CYTH4: variants seen among roughly 807,000 people sequenced by gnomAD.
The protein encoded by CYTH4 is cytohesin 4.
CYTH4 carries 22 observed loss-of-function variants against 57.5 expected under a neutral mutation model. The ratio of observed to expected loss-of-function variants is 0.38; its 90% CI spans 0.27 to 0.55. CYTH4 has a LOEUF of 0.55. CYTH4 is among the 20% of genes least tolerant of loss of function. The pLI is 0.74. For synonymous variants in CYTH4, 186 were observed against 206.5 expected (o/e 0.90, Z 0.85); for missense variants, 420 against 535.6 (o/e 0.78, Z 2.13).
Position 37,303,315 on chromosome 22 carries a change from C to G in CYTH4, c.609C>G (p.Asn203Lys). Reference sequence around the variant, plus strand: ...TCAACACCAGCCTCCACAATCCCAACGTCCGGGACAGGCCGCCTTTTGAGC... The same window carrying G: ...TCAACACCAGCCTCCACAATCCCAAGGTCCGGGACAGGCCGCCTTTTGAGC... ...IMLNTSLHNP[N>K]VRDRPPFERF... The change falls in exon 8 of 13, where the codon AAC (asparagine) becomes AAG (lysine). Residue 203 changes from asparagine (N) to lysine (K), a missense_variant. Coordinates refer to ENST00000248901, the MANE Select transcript of CYTH4 (RefSeq NM_013385.5). 6.2e-7 allele frequency: 1 copy of G among 1,614,202 alleles called. No homozygotes were observed. The highest frequency in any genetic ancestry group is 8.5e-7 in the Non-Finnish European group (1 of 1,180,030).
chr22:37,282,623 G>T, intron 1 of CYTH4, 35 bp downstream of exon 1: 1 of 1,579,358 alleles, frequency 6.3e-7, no homozygotes, highest in Non-Finnish European at 8.6e-7. Flanking sequence ...TGGGCCTCAG[G>T]GTGCTCTCTT....
In CYTH4 at chr22:37,308,522, ATG is replaced by A. The variant is rs531964453; in HGVS notation, c.697-686_697-685del. ...TACATGTATGTGTGAGCGTGTGTATATGTGTCTGTGAGTGTGTGTATGTGTGT... is the reference window on the plus strand; with the variant it reads ...TACATGTATGTGTGAGCGTGTGTATATGTCTGTGAGTGTGTGTATGTGTGT... On this transcript the variant is annotated intron_variant, in intron 8 of 12. Transcript: ENST00000248901. Among the ~76,000 whole-genome samples, 14 of 150,808 alleles carry A rather than the reference ATG, an allele frequency of 9.3e-5. No individual in the cohort carries two copies. In the East Asian group the frequency reaches 1.2e-3, roughly 13 times the overall value.
At chr22:37,296,122 G>A in intron 4 of CYTH4, 57 bp downstream of exon 4, 3 of 1,544,548 alleles carry the variant, frequency 1.9e-6, no homozygotes, top group Non-Finnish European at 2.7e-6. Flanking sequence ...GGGAGCACCT[G>A]CCTGGTGTCC....
intron 1 of CYTH4, among the ~76,000 whole-genome samples, chr22:37,284,826 G>A (rs1355416247): frequency 1.3e-5 from 2 of 152,222 alleles, no homozygotes; most frequent in Non-Finnish European, 2.9e-5. Flanking sequence ...CTCCCCCAGG[G>A]CCTGCCGGGA....
At chr22:37,304,295 T>A in intron 8 of CYTH4, 1 of 456,482 alleles carries the variant, frequency 2.2e-6, no homozygotes, top group South Asian at 1.5e-5. Context: ...AGGTGTGGTA[T>A]ATATGCACAG....
chr22:37,292,758 G>T, intron 2 of CYTH4, 55 bp downstream of exon 2: 1 of 1,567,954 alleles, frequency 6.4e-7, no homozygotes, highest in Non-Finnish European at 8.7e-7. Context: ...CTGCACGCTT[G>T]TACGCACCCC....
rs541072477 is a variant in CYTH4 at position 37,285,233 on chromosome 22, C to T, written c.19+2645C>T. Among the ~76,000 whole-genome samples, 9 of 152,166 alleles carry T rather than the reference C, an allele frequency of 5.9e-5. No individual in the cohort carries two copies. In the East Asian group the frequency reaches 1.7e-3, roughly 29 times the overall value. On this transcript the variant is annotated intron_variant, in intron 1 of 12. Transcript: ENST00000248901. ...AGTGGGGAGGAGCCGGGGAGATGGG[C>T]ACATTCACCAGCCTGGGCGCAAGGG...
chr22:37,307,895 A>T (rs1245872420), intron 8 of CYTH4, among the ~76,000 whole-genome samples: 2 of 152,212 alleles, frequency 1.3e-5, no homozygotes, highest in African/African-American at 4.8e-5. Context: ...ACCAGCAGCC[A>T]CACCTTGCCC....
chr22:37,298,048 C>A lies in CYTH4; in HGVS notation c.353+366C>A. On this transcript the variant is annotated intron_variant, in intron 5 of 12. Coordinates refer to ENST00000248901, the MANE Select transcript of CYTH4 (RefSeq NM_013385.5). This position sits in a 1 kb window ranked among gnomAD's most constrained non-coding sequence, Gnocchi z 4.1. ...AGAGAATGATAAGCTCTGTGGAATA[C>A]AAATCGAGCAGGGAAGGGAAGTCAG... The A allele has an allele frequency of 5.7e-6, 1 of 174,264 alleles. No individual in the cohort carries two copies. Among genetic ancestry groups the A allele is most frequent in the Non-Finnish European group, 1.2e-5 (1 of 80,644 alleles). The allele number at this position is 174,264 out of a possible 1,614,324, so 10.8% of individuals were successfully genotyped here.
chr22:37,292,398 G>T, intron 1 of CYTH4: 1 of 538,230 alleles, frequency 1.9e-6, no homozygotes, highest in Non-Finnish European at 3.3e-6. Context: ...GATCCTTTTG[G>T]GGGTGTCTAT....
Position 37,298,923 on chromosome 22 carries a change from G to T in CYTH4, c.354-303G>T, listed in dbSNP as rs1929076728. On this transcript the variant is annotated intron_variant, in intron 5 of 12. Coordinates refer to ENST00000248901, the MANE Select transcript of CYTH4 (RefSeq NM_013385.5). This position sits in a 1 kb window ranked among gnomAD's most constrained non-coding sequence, Gnocchi z 4.1. ...AGTGGCTTCCGCGAGGTCACCAGGT[G>T]GGAAGTTACAGGAAATGAGGAAGGC... Among the ~76,000 whole-genome samples the T allele has an allele frequency of 6.6e-6, 1 of 152,158 alleles. No individual in the cohort carries two copies. The highest frequency in any genetic ancestry group is 2.4e-5 in the African/African-American group (1 of 41,432).
At position 37,302,100 on chromosome 22, in the gene CYTH4, C is replaced by T. The variant is rs1046563693; in HGVS notation, c.547+1081C>T. 4.1e-5 allele frequency: 7 copies of T among 169,012 alleles called. No homozygotes were observed. The Middle Eastern group carries it at 1.5e-3, about 37-fold the overall frequency. The allele number at this position is 169,012 out of a possible 1,614,324, so 10.5% of individuals were successfully genotyped here. ...TCAGAGAGATAAAATGACTTGTCTGCGAGCACGCCGCCTCCTGGCTGTGTC... is the reference window on the plus strand; with the variant it reads ...TCAGAGAGATAAAATGACTTGTCTGTGAGCACGCCGCCTCCTGGCTGTGTC... On this transcript the variant is annotated intron_variant, in intron 7 of 12. Transcript: ENST00000248901.
chr22:37,303,372 T>A lies in CYTH4; in HGVS notation c.666T>A (p.Asn222Lys). ...TGTCCATGAACCGCGGCATCAACAA[T>A]GGTAGCGACCTGCCCGAGGACCAGC... ...RFVSMNRGINNGSDLPEDQLR... is the reference protein window; with the variant it reads ...RFVSMNRGINKGSDLPEDQLR... The change falls in exon 8 of 13, where the codon AAT (asparagine) becomes AAA (lysine). Residue 222 changes from asparagine to lysine, a missense_variant. Asn to Lys is a moderately conservative substitution (Grantham distance 94, BLOSUM62 0). Transcript: ENST00000248901. 1 of 1,613,996 alleles carries A rather than the reference T, an allele frequency of 6.2e-7. No homozygotes were observed. The highest frequency in any genetic ancestry group is 1.1e-5 in the South Asian group (1 of 91,062).
chr22:37,310,445 G>A (rs1331298655), intron 9 of CYTH4, among the ~76,000 whole-genome samples: 1 of 152,188 alleles, frequency 6.6e-6, no homozygotes, highest in East Asian at 1.9e-4. Flanking sequence ...CAAGAGTTGG[G>A]CTCTGGGACT....
In CYTH4 at chr22:37,312,043, T is replaced by C; in HGVS notation, c.981T>C (p.Pro327=). 6.2e-7 allele frequency: 1 copy of C among 1,613,876 alleles called. No individual in the cohort carries two copies. Among genetic ancestry groups the C allele is most frequent in the Non-Finnish European group, 8.5e-7 (1 of 1,179,940 alleles). The change falls in exon 12 of 13, where the codon CCT becomes CCC. Residue 327 remains proline, a synonymous_variant. Transcript: ENST00000248901. ...AGTTCTGCCTGGAGCTCTACAACCC[T>C]AGCTGCCGAGGCCAGAAAATCAAGG... The part of the protein sequence containing the change: ...KKPFCLELYN[P]SCRGQKIKAC...
chr22:37,311,714 G>A lies in CYTH4; in HGVS notation c.957+187G>A. ...GGACAGTGAGAAAAGGTCAATGTGG[G>A]TCCAAGGACGTGGTTGTCCCCTGTT... is the stretch of plus-strand genomic sequence containing the variant. On this transcript the variant is annotated intron_variant, in intron 11 of 12. Transcript: ENST00000248901. The surrounding 1 kb of genome is among the most constrained non-coding windows in gnomAD (Gnocchi z 4.4). 1.5e-6 allele frequency: 1 copy of A among 677,264 alleles called. No individual in the cohort carries two copies. Among genetic ancestry groups the A allele is most frequent in the South Asian group, 1.8e-5 (1 of 55,158 alleles). 42.0% of individuals were successfully genotyped at this position (677,264 alleles called of 1,614,324 possible).
Position 37,310,571 on chromosome 22 carries a change from C to T in CYTH4, c.809-417C>T, listed in dbSNP as rs528301094. Among the ~76,000 whole-genome samples, 27 of 152,314 alleles carry T rather than the reference C, an allele frequency of 1.8e-4. No homozygotes were observed. In the East Asian group the frequency reaches 3.7e-3, roughly 21 times the overall value. On this transcript the variant is annotated intron_variant, in intron 9 of 12. Coordinates refer to ENST00000248901, the MANE Select transcript of CYTH4 (RefSeq NM_013385.5). Reference sequence around the variant, plus strand: ...GGTTAACAATGGTCTCCTCTTCATACGTGGTTGTGAGGATTAATAAGTAAT... The same window carrying T: ...GGTTAACAATGGTCTCCTCTTCATATGTGGTTGTGAGGATTAATAAGTAAT...
At chr22:37,308,597 AGT>A (rs1601710348) in intron 8 of CYTH4, among the ~76,000 whole-genome samples, 2 of 141,346 alleles carry the variant, frequency 1.4e-5, no homozygotes, top group South Asian at 2.5e-4. Context: ...TATGTGTCTG[AGT>A]GTGCATGTAT....
intron 2 of CYTH4, among the ~76,000 whole-genome samples, chr22:37,293,745 G>A (rs1256244587): frequency 6.6e-6 from 1 of 152,148 alleles, no homozygotes; most frequent in East Asian, 1.9e-4. Flanking sequence ...TGTCCTTCAG[G>A]GGGTGCTGGT....
Sources: allele counts gnomAD v4.1 joint callset (sites outside exome capture counted in the v4.1 genomes callset), GRCh38; gene constraint gnomAD v4.1.1; non-coding constraint Gnocchi (gnomAD v3.1); transcripts MANE v1.5; gene names NCBI Gene and HGNC (gene_info 2026-07-23, HGNC 2026-07-21).